DPP10: variants seen among roughly 807,000 people sequenced by gnomAD.
DPP10 encodes the protein dipeptidyl peptidase like 10.
DPP10 carries 33 observed loss-of-function variants against 120.9 expected under a neutral mutation model. The ratio of observed to expected loss-of-function variants is 0.27; its 90% confidence interval spans 0.21 to 0.37. The LOEUF (loss-of-function observed/expected upper bound fraction) is 0.37. Ranked by LOEUF, DPP10 falls within the 10% of genes least tolerant of loss-of-function variation. The pLI is 1.00. For missense variants in DPP10, 816 were observed against 942.8 expected, an observed-to-expected ratio of 0.87 and a Z score of 1.76; for synonymous variants, 337 against 326.1, an observed-to-expected ratio of 1.03 and a Z score of -0.36.
chr2:115,731,834 G>T (rs1236255020), intron 8 of DPP10, among the ~76,000 whole-genome samples: 2 of 152,158 alleles, frequency 1.3e-5, no homozygotes, highest in Non-Finnish European at 2.9e-5. Flanking sequence ...CCCTACCCAT[G>T]ACTTCAATGT....
At chr2:114,624,472 G>A (rs538149854) in intron 1 of DPP10, among the ~76,000 whole-genome samples, 28 of 152,002 alleles carry the variant, frequency 1.8e-4, no homozygotes, top group African/African-American at 6.3e-4. Context: ...ATATACATGA[G>A]TAGCATCATA....
At chr2:115,281,773 A>AT (rs2060165858) in intron 1 of DPP10, among the ~76,000 whole-genome samples, 3 of 152,188 alleles carry the variant, frequency 2.0e-5, no homozygotes, top group Non-Finnish European at 4.4e-5. Context: ...CCACTGCAGA[A>AT]ACCACTGGAT....
chr2:115,188,956 T>C (rs546249949), intron 1 of DPP10, among the ~76,000 whole-genome samples: 1 of 152,202 alleles, frequency 6.6e-6, no homozygotes, highest in African/African-American at 2.4e-5. Context: ...AATGCAATAC[T>C]TCACAGCTAT....
chr2:115,414,666 A>G (rs2069230189), intron 3 of DPP10, among the ~76,000 whole-genome samples: 1 of 152,172 alleles, frequency 6.6e-6, no homozygotes, highest in Non-Finnish European at 1.5e-5. Context: ...TAATATCTGA[A>G]GTTGTACTGG....
At chr2:114,539,703 C>T (rs1327080948) in intron 1 of DPP10, among the ~76,000 whole-genome samples, 3 of 152,112 alleles carry the variant, frequency 2.0e-5, no homozygotes, top group African/African-American at 7.2e-5. Flanking sequence ...CATCATACTG[C>T]ACCTGGCACA....
chr2:114,862,844 G>A (rs1384709184), intron 1 of DPP10, among the ~76,000 whole-genome samples: 1 of 138,554 alleles, frequency 7.2e-6, no homozygotes, highest in Non-Finnish European at 1.5e-5. Flanking sequence ...TTCACTAGCT[G>A]TTTTAAGCCC....
chr2:115,750,767 CT>C (rs1162016154), intron 10 of DPP10, among the ~76,000 whole-genome samples: 4 of 151,962 alleles, frequency 2.6e-5, no homozygotes, highest in East Asian at 3.9e-4. Context: ...AGATTAAGTT[CT>C]TTTTTTTAAG....
At chr2:115,808,810 T>G (rs1379515748) in intron 19 of DPP10, among the ~76,000 whole-genome samples, 4 of 152,186 alleles carry the variant, frequency 2.6e-5, no homozygotes, top group Non-Finnish European at 2.9e-5. Flanking sequence ...TAGTACAATT[T>G]GAGAATTTAA....
intron 3 of DPP10, among the ~76,000 whole-genome samples, chr2:115,409,772 C>T (rs991566093): frequency 2.6e-5 from 4 of 152,174 alleles, no homozygotes; most frequent in African/African-American, 4.8e-5. Flanking sequence ...AAATGTCCTT[C>T]GACCAACAAG....
At chr2:114,708,199 C>T (rs1316266979) in intron 1 of DPP10, among the ~76,000 whole-genome samples, 1 of 152,154 alleles carries the variant, frequency 6.6e-6, no homozygotes, top group Non-Finnish European at 1.5e-5. Context: ...GAAAGTTGCC[C>T]AGGGCAGGTG....
intron 3 of DPP10, among the ~76,000 whole-genome samples, chr2:115,345,059 T>A (rs963278715): frequency 1.2e-4 from 18 of 152,226 alleles, no homozygotes; most frequent in African/African-American, 9.6e-5. Flanking sequence ...CACTGATATG[T>A]CTCCTGGAGA....
intron 5 of DPP10, among the ~76,000 whole-genome samples, chr2:115,665,411 G>A (rs1460772040): frequency 6.6e-6 from 1 of 152,098 alleles, no homozygotes; most frequent in African/African-American, 2.4e-5. Flanking sequence ...TTGGTCTACA[G>A]TCTGCCCAAT....
chr2:114,474,214 C>T (rs971431020), intron 1 of DPP10, among the ~76,000 whole-genome samples: 2 of 152,186 alleles, frequency 1.3e-5, no homozygotes, highest in Non-Finnish European at 2.9e-5. Flanking sequence ...CCTTGGCCTC[C>T]CAAAGTGCTG....
intron 7 of DPP10, among the ~76,000 whole-genome samples, chr2:115,705,296 A>G (rs2092056562): frequency 6.6e-6 from 1 of 151,996 alleles, no homozygotes; most frequent in South Asian, 2.1e-4. Flanking sequence ...TTCATATTCC[A>G]TTAAATATCT....
intron 2 of DPP10, among the ~76,000 whole-genome samples, chr2:115,334,248 A>ATTTTTTTTTTTTTTTTTTTTTTTTTTTT (rs2062981617): frequency 1.1e-4 from 2 of 17,486 alleles, no homozygotes; most frequent in Admixed American, 1.6e-3. Flanking sequence ...TTTTTTTTTA[A>ATTTTTTTTTTTTTTTTTTTTTTTTTTTT]GAAACCTAGC....
chr2:115,803,777 C>G (rs1258899511), intron 19 of DPP10, among the ~76,000 whole-genome samples: 1 of 152,142 alleles, frequency 6.6e-6, no homozygotes, highest in African/African-American at 2.4e-5. Context: ...CTTCTGGCTT[C>G]TAGAGTTTCT....
intron 1 of DPP10, among the ~76,000 whole-genome samples, chr2:115,287,791 A>T (rs1361813598): frequency 2.0e-5 from 3 of 152,138 alleles, no homozygotes; most frequent in Admixed American, 2.0e-4. Context: ...CTAGGGACAT[A>T]CTTGACCAAG....
chr2:115,607,570 G>T (rs913310877), intron 5 of DPP10, among the ~76,000 whole-genome samples: 1 of 152,208 alleles, frequency 6.6e-6, no homozygotes, highest in Non-Finnish European at 1.5e-5. Flanking sequence ...CAAGAAAATT[G>T]TTCTATTGCA....
intron 5 of DPP10, among the ~76,000 whole-genome samples, chr2:115,538,681 A>C (rs971029701): frequency 1.3e-5 from 2 of 152,052 alleles, no homozygotes; most frequent in Non-Finnish European, 1.5e-5. Flanking sequence ...GTTATTGGCC[A>C]CAGCTCAGTA....
Sources: allele counts gnomAD v4.1 joint callset (sites outside exome capture counted in the v4.1 genomes callset), GRCh38; gene constraint gnomAD v4.1.1; transcripts MANE v1.5; gene names NCBI Gene and HGNC (gene_info 2026-07-23, HGNC 2026-07-21).